The following CSMD1 variants were observed in gnomAD, a reference collection of about 807,000 sequenced individuals.
CSMD1 encodes CUB and sushi domain-containing protein 1.
In CSMD1, 213 loss-of-function variants were observed where a neutral mutation model predicts 417.5. That is an observed-to-expected ratio of 0.51 (90% CI 0.46 to 0.57). The LOEUF is 0.57. Among genes scored for constraint, CSMD1 ranks in the 20% least tolerant of loss-of-function variants. The pLI is 0.00. For synonymous variants in CSMD1, 2,862 were observed against 1,736.8 expected, an observed-to-expected ratio of 1.65 and a Z score of -16.11; for missense variants, 6,923 against 4,529.7, an observed-to-expected ratio of 1.53 and a Z score of -15.17.
In CSMD1 at chr8:4,366,042, G is replaced by C. The variant is rs577147237; in HGVS notation, c.415+53911C>G. Among the ~76,000 whole-genome samples, 9 of 152,214 alleles carry C rather than the reference G, an allele frequency of 5.9e-5. No individual in the cohort carries two copies. In the East Asian group the frequency reaches 1.7e-3, roughly 29 times the overall value. ...GCCTGTCGCCCAGGTAGTGAGCACA[G>C]TACCTGACAGATAGCCTTCCAATCC... On this transcript the variant is annotated intron_variant, in intron 3 of 69. Transcript: ENST00000635120.
At chr8:4,151,725 C>G (rs73506982) in intron 3 of CSMD1, among the ~76,000 whole-genome samples, 1 of 152,094 alleles carries the variant, frequency 6.6e-6, no homozygotes, top group African/African-American at 2.4e-5. Context: ...AAATTAACAG[C>G]GGGTAAATAC....
chr8:4,760,242 A>G (rs1000892552), intron 1 of CSMD1, among the ~76,000 whole-genome samples: 1 of 152,238 alleles, frequency 6.6e-6, no homozygotes, highest in African/African-American at 2.4e-5. Context: ...CTATTTTTAG[A>G]GTACTATTTG....
chr8:3,198,085 C>T (rs1045982828), intron 33 of CSMD1, among the ~76,000 whole-genome samples: 6 of 152,006 alleles, frequency 3.9e-5, no homozygotes, highest in South Asian at 2.1e-4. Flanking sequence ...TCTACTTTTC[C>T]GTATCTTTGA....
chr8:3,784,800 A>C (rs1022413569), intron 5 of CSMD1, among the ~76,000 whole-genome samples: 87 of 152,254 alleles, frequency 5.7e-4, no homozygotes, highest in Non-Finnish European at 1.1e-3. Flanking sequence ...ATCATGTTGC[A>C]TATCACAATT....
intron 7 of CSMD1, among the ~76,000 whole-genome samples, chr8:3,628,768 G>A (rs1202135540): frequency 6.6e-6 from 1 of 152,138 alleles, no homozygotes; most frequent in African/African-American, 2.4e-5. Context: ...AGCGCCTACA[G>A]CCAAATTATT....
chr8:4,204,643 T>TTTTATAAATAA (rs1799871486), intron 3 of CSMD1, among the ~76,000 whole-genome samples: 1 of 152,228 alleles, frequency 6.6e-6, no homozygotes, highest in South Asian at 2.1e-4. Context: ...GCCTAAATTA[T>TTTTATAAATAA]TTTATAAAAA....
chr8:3,009,443 A>G (rs1808213584), intron 52 of CSMD1, among the ~76,000 whole-genome samples: 1 of 152,204 alleles, frequency 6.6e-6, no homozygotes, highest in African/African-American at 2.4e-5. Context: ...GTCTTTGGCT[A>G]AGTCAGAGTT....
chr8:3,368,025 T>A (rs1418362801), intron 19 of CSMD1, among the ~76,000 whole-genome samples: 11 of 152,212 alleles, frequency 7.2e-5, no homozygotes. Context: ...GCATATGACC[T>A]CATAGTAACC....
At chr8:4,097,910 A>G (rs1486519318) in intron 3 of CSMD1, among the ~76,000 whole-genome samples, 1 of 152,200 alleles carries the variant, frequency 6.6e-6, no homozygotes, top group Non-Finnish European at 1.5e-5. Context: ...ATTTGGAAGA[A>G]AAAGAGCATC....
chr8:3,609,653 T>G (rs1024998640), intron 8 of CSMD1, among the ~76,000 whole-genome samples: 1 of 151,900 alleles, frequency 6.6e-6, no homozygotes, highest in Non-Finnish European at 1.5e-5. Context: ...AGGGCTACAC[T>G]GCAAATGAGC....
At chr8:4,920,851 GAAAAGAAAAGAAAAGAAAAGAAAAGAA>G (rs1563768334) in intron 1 of CSMD1, among the ~76,000 whole-genome samples, 9,100 of 61,626 alleles carry the variant, frequency 0.15, 2,105 homozygotes, top group Non-Finnish European at 0.17. Flanking sequence ...CGAAAGAAAA[GAAAAGAAAAGAAAAGAAAAGAAAAGAA>G]AAGAAAAGAA....
At position 3,944,562 on chromosome 8, in the gene CSMD1, G is replaced by C. The variant is rs574569489; in HGVS notation, c.818+53341C>G. Among the ~76,000 whole-genome samples the C allele has an allele frequency of 1.4e-4, 21 of 152,064 alleles. No homozygotes were observed. In the South Asian group the frequency reaches 3.9e-3, roughly 29 times the overall value. On this transcript the variant is annotated intron_variant, in intron 5 of 69. Coordinates refer to ENST00000635120, the MANE Select transcript of CSMD1 (RefSeq NM_033225.6). ...ACATATATTCAAGGAAATTTAAATT[G>C]TCTACAACTTTAAAAATACTTATCA...
chr8:3,108,870 T>C (rs765584121), intron 43 of CSMD1, 122 bp from the exon 44 acceptor site: 3 of 948,460 alleles, frequency 3.2e-6, no homozygotes, highest in Non-Finnish European at 4.6e-6. Context: ...ATTCTCAGGA[T>C]ACTGTGTTTG....
chr8:3,018,689 A>G (rs369467837), intron 51 of CSMD1, 39 bp from the exon 52 acceptor site: 1 of 1,570,784 alleles, frequency 6.4e-7, no homozygotes, highest in East Asian at 2.2e-5. Context: ...CAATTCAGTT[A>G]TGCAGATTAC....
At chr8:3,276,370 C>T (rs144408140) in intron 26 of CSMD1, among the ~76,000 whole-genome samples, 397 of 152,266 alleles carry the variant, frequency 2.6e-3, no homozygotes, top group African/African-American at 5.1e-3. Flanking sequence ...GTGTCGTTCA[C>T]GCTGGGAGCT....
chr8:4,785,578 C>T (rs1797361133), intron 1 of CSMD1, among the ~76,000 whole-genome samples: 1 of 152,008 alleles, frequency 6.6e-6, no homozygotes, highest in African/African-American at 2.4e-5. Flanking sequence ...AGTCCTGAGC[C>T]ACTTGGAAGT....
intron 5 of CSMD1, among the ~76,000 whole-genome samples, chr8:3,754,930 T>A (rs1313382465): frequency 6.6e-6 from 1 of 151,444 alleles, no homozygotes; most frequent in Non-Finnish European, 1.5e-5. Flanking sequence ...CAAAAGAGAT[T>A]TGAAATGGAA....
intron 3 of CSMD1, among the ~76,000 whole-genome samples, chr8:4,101,345 A>G (rs1801295675): frequency 1.3e-5 from 2 of 152,200 alleles, no homozygotes; most frequent in African/African-American, 4.8e-5. Flanking sequence ...GCAAATGGGC[A>G]GCCCTAACCA....
chr8:4,887,429 G>A (rs1189785542), intron 1 of CSMD1, among the ~76,000 whole-genome samples: 2 of 151,862 alleles, frequency 1.3e-5, no homozygotes. Context: ...TGAGAACCGA[G>A]GTATATTAGA....
Sources: allele counts gnomAD v4.1 joint callset (sites outside exome capture counted in the v4.1 genomes callset), GRCh38; gene constraint gnomAD v4.1.1; transcripts MANE v1.5; gene names NCBI Gene and HGNC (gene_info 2026-07-23, HGNC 2026-07-21).